Variants in TAFA4 observed in about 807,000 individuals in gnomAD.
The protein encoded by TAFA4 is chemokine-like protein TAFA-4.
Under a neutral mutation model 21.1 loss-of-function variants are expected in TAFA4, and 20 were observed. That is an observed-to-expected ratio of 0.95 (90% CI 0.67 to 1.38). The LOEUF (loss-of-function observed/expected upper bound fraction) is 1.38. Among genes scored for constraint, TAFA4 ranks in the 40% most tolerant of loss-of-function variants. TAFA4 has a pLI of 0.00. For synonymous variants in TAFA4, 71 were observed against 67.4 expected (o/e 1.05, Z -0.26); for missense variants, 211 against 180.9 (o/e 1.17, Z -0.95).
chr3:68,927,977 C>T (rs2090125356), intron 1 of TAFA4, among the ~76,000 whole-genome samples: 2 of 152,090 alleles, frequency 1.3e-5, no homozygotes, highest in South Asian at 4.2e-4. Context: ...CTAACAATAC[C>T]ACAATCTCAT....
At chr3:68,735,196 C>CAAGTGAAGGGG (rs58604466) in intron 5 of TAFA4, among the ~76,000 whole-genome samples, 10 of 151,554 alleles carry the variant, frequency 6.6e-5, no homozygotes, top group Non-Finnish European at 1.2e-4. Context: ...TTTAGAAGGG[C>CAAGTGAAGGGG]AAGTGGAAAA....
At position 68,732,858 on chromosome 3, in the gene TAFA4, A is replaced by T. The variant is rs901699217; in HGVS notation, c.*284T>A. The T allele has an allele frequency of 2.2e-6, 1 of 457,848 alleles. No individual in the cohort carries two copies. Among genetic ancestry groups the T allele is most frequent in the African/African-American group, 2.0e-5 (1 of 51,086 alleles). 28.4% of individuals were successfully genotyped at this position (457,848 alleles called of 1,614,324 possible). A position where few individuals can be genotyped will look rare whatever the true frequency, so the allele number is the denominator to read the frequency against. The stretch of plus-strand genomic sequence containing the variant: ...ATGCCCTTAGTGGTGATCCATTTTG[A>T]AGACTCTGATTTGCTCTTCTCGGAT... On this transcript the variant is annotated 3_prime_UTR_variant, in exon 6 of 6. Coordinates refer to ENST00000295569, the MANE Select transcript of TAFA4 (RefSeq NM_182522.5).
intron 4 of TAFA4, among the ~76,000 whole-genome samples, chr3:68,748,127 T>C (rs564901919): frequency 2.6e-5 from 4 of 152,224 alleles, no homozygotes; most frequent in Non-Finnish European, 5.9e-5. Flanking sequence ...CTGAGTTCCT[T>C]GAAACCAGGA....
chr3:68,850,079 G>T (rs1046499657), intron 3 of TAFA4, among the ~76,000 whole-genome samples: 1 of 152,142 alleles, frequency 6.6e-6, no homozygotes, highest in Non-Finnish European at 1.5e-5. Context: ...CTTTTCCCAT[G>T]AAACAACCAG....
At chr3:68,889,872 AC>A (rs2089713848) in intron 1 of TAFA4, among the ~76,000 whole-genome samples, 1 of 152,218 alleles carries the variant, frequency 6.6e-6, no homozygotes, top group South Asian at 2.1e-4. Flanking sequence ...TGGATCTTGG[AC>A]CAGGAAAAAA....
intron 4 of TAFA4, among the ~76,000 whole-genome samples, chr3:68,742,643 C>A (rs906938651): frequency 2.0e-5 from 3 of 152,066 alleles, no homozygotes; most frequent in African/African-American, 7.2e-5. Flanking sequence ...ATTGGTGCAC[C>A]CCTCACCTAT....
At position 68,752,878 on chromosome 3, in the gene TAFA4, G is replaced by A. The variant is rs750992903; in HGVS notation, c.271C>T (p.Pro91Ser). 1 of 1,614,072 alleles carries A rather than the reference G, an allele frequency of 6.2e-7. No individual in the cohort carries two copies. The highest frequency in any genetic ancestry group is 2.2e-5 in the East Asian group (1 of 44,874). ...GAGGTCTTACCTTCAACACAAGAAG[G>A]TTGAGCCCGAGTTGTGCCCGCCACC... ...GQVAGTTRAQPSCVEASIVIQ... is the reference protein window; with the variant it reads ...GQVAGTTRAQSSCVEASIVIQ... Residue 91 changes from proline to serine, a missense_variant, in exon 4 of 6, where the codon CCT becomes TCT. Coordinates refer to ENST00000295569, the MANE Select transcript of TAFA4 (RefSeq NM_182522.5).
At chr3:68,850,416 A>AGGTTTTTATTTTATTTTGAAATT (rs1167829499) in intron 3 of TAFA4, among the ~76,000 whole-genome samples, 1 of 152,202 alleles carries the variant, frequency 6.6e-6, no homozygotes, top group African/African-American at 2.4e-5. Context: ...AAATAAAAAC[A>AGGTTTTTATTTTATTTTGAAATT]TGAAAATTTC....
At chr3:68,923,227 C>T (rs2090076741) in intron 1 of TAFA4, among the ~76,000 whole-genome samples, 2 of 152,142 alleles carry the variant, frequency 1.3e-5, no homozygotes, top group Non-Finnish European at 2.9e-5. Context: ...AGCAGAGCTG[C>T]TTCTACTGTG....
intron 4 of TAFA4, among the ~76,000 whole-genome samples, chr3:68,743,286 A>G (rs1243536640): frequency 6.6e-6 from 1 of 152,092 alleles, no homozygotes; most frequent in Non-Finnish European, 1.5e-5. Flanking sequence ...TAATAAAGTT[A>G]TATTCTTGGC....
chr3:68,779,299 A>G lies in TAFA4; in HGVS notation c.131-26281T>C, dbSNP rs193174285. Among the ~76,000 whole-genome samples the G allele has an allele frequency of 2.0e-3, 300 of 152,340 alleles. 9 individuals are homozygous for G. Among genetic ancestry groups the G allele is most frequent in the Non-Finnish European group, 2.5e-4 (17 of 68,036 alleles). On this transcript the variant is annotated intron_variant, in intron 3 of 5. Transcript: ENST00000295569. ...GGAAAACTTGTAGCCTGAAAATGAG[A>G]TAGAAAAGAAAATCCCATTTTCTGA...
intron 3 of TAFA4, among the ~76,000 whole-genome samples, chr3:68,808,808 A>C (rs1703764392): frequency 6.6e-6 from 1 of 152,224 alleles, no homozygotes; most frequent in Non-Finnish European, 1.5e-5. Flanking sequence ...ACAAGGGTTT[A>C]CTTCTGACTT....
intron 3 of TAFA4, among the ~76,000 whole-genome samples, chr3:68,772,857 C>A (rs1004910263): frequency 2.0e-5 from 3 of 152,072 alleles, no homozygotes; most frequent in Admixed American, 6.5e-5. Flanking sequence ...TCCGTCAATC[C>A]ATCCATCCAT....
At chr3:68,765,886 C>T (rs1702844400) in intron 3 of TAFA4, among the ~76,000 whole-genome samples, 2 of 152,098 alleles carry the variant, frequency 1.3e-5, no homozygotes, top group African/African-American at 4.8e-5. Flanking sequence ...ATAGGTGCTT[C>T]AATGCATGGG....
intron 3 of TAFA4, among the ~76,000 whole-genome samples, chr3:68,814,492 C>CA (rs1703916558): frequency 2.0e-5 from 3 of 151,492 alleles, no homozygotes; most frequent in Non-Finnish European, 4.4e-5. Context: ...AATCAGTGTG[C>CA]AAAAATCACA....
chr3:68,807,459 T>C (rs1265071768), intron 3 of TAFA4, among the ~76,000 whole-genome samples: 3 of 152,168 alleles, frequency 2.0e-5, no homozygotes, highest in Admixed American at 1.3e-4. Flanking sequence ...ACATGGGGCA[T>C]TGTAGCTTGT....
At chr3:68,912,611 G>C (rs1325702291) in intron 1 of TAFA4, among the ~76,000 whole-genome samples, 1 of 152,202 alleles carries the variant, frequency 6.6e-6, no homozygotes, top group Admixed American at 6.5e-5. Context: ...TGTGTGTGCC[G>C]CTGCATTCAA....
intron 3 of TAFA4, among the ~76,000 whole-genome samples, chr3:68,846,665 A>T (rs11128099): frequency 6.6e-6 from 1 of 151,890 alleles, no homozygotes; most frequent in Non-Finnish European, 1.5e-5. Flanking sequence ...TTTATCTACC[A>T]TTGGTCTTTG....
At chr3:68,920,003 A>C (rs2090042318) in intron 1 of TAFA4, among the ~76,000 whole-genome samples, 2 of 152,244 alleles carry the variant, frequency 1.3e-5, no homozygotes, top group African/African-American at 4.8e-5. Flanking sequence ...GAAGGCTTTA[A>C]ACAGTAAACA....
Sources: gnomAD v4.1 joint callset for allele counts (sites outside exome capture counted in the v4.1 genomes callset) on GRCh38, gnomAD v4.1.1 for gene constraint, MANE v1.5 for transcripts, NCBI Gene and HGNC (gene_info 2026-07-23, HGNC 2026-07-21) for gene names.